Variants in TYW1B observed in about 807,000 individuals in gnomAD.
TYW1B encodes the protein S-adenosyl-L-methionine-dependent tRNA 4-demethylwyosine synthase TYW1B.
Under a neutral mutation model 86.9 loss-of-function variants are expected in TYW1B, and 73 were observed. The observed-to-expected ratio is 0.84, with a 90% CI of 0.70 to 1.02. The LOEUF (loss-of-function observed/expected upper bound fraction) is 1.02. TYW1B is among the 50% of genes least tolerant of loss of function. The probability of loss-of-function intolerance (pLI) is 0.00; values close to 1 mark genes in which losing one functional copy is unlikely to be tolerated. For missense variants in TYW1B, 637 were observed against 827.4 expected, an observed-to-expected ratio of 0.77 and a Z score of 2.82; for synonymous variants, 248 against 292.8, an observed-to-expected ratio of 0.85 and a Z score of 1.56.
intron 11 of TYW1B, among the ~76,000 whole-genome samples, chr7:72,629,432 CTCATTATTTAATGA>C (rs1812430989): frequency 6.6e-6 from 1 of 152,198 alleles, no homozygotes; most frequent in African/African-American, 2.4e-5. Flanking sequence ...TTCCTACTCC[CTCATTATTTAATGA>C]TCTCTTGGCA....
At chr7:72,598,886 G>A (rs1335336787) in intron 13 of TYW1B, among the ~76,000 whole-genome samples, 6 of 152,192 alleles carry the variant, frequency 3.9e-5, no homozygotes, top group African/African-American at 1.4e-4. Context: ...ACAGACAGGT[G>A]GAGGTGAGGA....
chr7:72,766,178 A>G (rs531311652), intron 7 of TYW1B, among the ~76,000 whole-genome samples: 3 of 152,262 alleles, frequency 2.0e-5, no homozygotes, highest in Non-Finnish European at 4.4e-5. Context: ...AAAACAGCTC[A>G]TAACGTTACA....
intron 13 of TYW1B, among the ~76,000 whole-genome samples, chr7:72,588,577 A>G (rs545187671): frequency 3.2e-4 from 48 of 152,326 alleles, no homozygotes; most frequent in African/African-American, 1.1e-3. Context: ...CCCTGTGATC[A>G]GTGCCTAATT....
chr7:72,624,128 G>T (rs1161900269), intron 12 of TYW1B, among the ~76,000 whole-genome samples: 1 of 152,108 alleles, frequency 6.6e-6, no homozygotes, highest in African/African-American at 2.4e-5. Flanking sequence ...CTCTATTTGA[G>T]AAATTTTTAA....
chr7:72,576,987 C>T (rs1413183949), intron 13 of TYW1B, among the ~76,000 whole-genome samples: 3 of 151,834 alleles, frequency 2.0e-5, no homozygotes, highest in Admixed American at 6.6e-5. Flanking sequence ...ATTAGCCAGG[C>T]GTGGTGGTGT....
chr7:72,634,342 C>CTTTTTT (rs782580354), intron 11 of TYW1B, among the ~76,000 whole-genome samples: 1 of 132,672 alleles, frequency 7.5e-6, no homozygotes, highest in Non-Finnish European at 1.6e-5. Flanking sequence ...CCACTCCTAG[C>CTTTTTT]TTTTTTTTTT....
intron 13 of TYW1B, among the ~76,000 whole-genome samples, chr7:72,604,025 C>T (rs1554434372): frequency 1.3e-5 from 2 of 152,190 alleles, no homozygotes; most frequent in Non-Finnish European, 2.9e-5. Flanking sequence ...TAAATCAACA[C>T]TGGCTCACGA....
intron 11 of TYW1B, among the ~76,000 whole-genome samples, chr7:72,663,383 C>T (rs1344784586): frequency 1.2e-4 from 19 of 152,046 alleles, no homozygotes; most frequent in Non-Finnish European, 2.2e-4. Flanking sequence ...GTTCAAACCA[C>T]CCGGGTGCTC....
chr7:72,632,921 C>A (rs192871873), intron 11 of TYW1B, among the ~76,000 whole-genome samples: 385 of 151,996 alleles, frequency 2.5e-3, no homozygotes, highest in African/African-American at 9.0e-3. Context: ...GGGGTGTGAA[C>A]CCAAGCAGTA....
intron 11 of TYW1B, among the ~76,000 whole-genome samples, chr7:72,636,002 C>G (rs1554440703): frequency 6.6e-6 from 1 of 152,178 alleles, no homozygotes; most frequent in African/African-American, 2.4e-5. Flanking sequence ...TCACATGTAG[C>G]TAGTGGCTAC....
intron 13 of TYW1B, among the ~76,000 whole-genome samples, chr7:72,599,303 T>G (rs192316175): frequency 6.6e-6 from 1 of 152,216 alleles, no homozygotes; most frequent in Non-Finnish European, 1.5e-5. Context: ...ATCTTATCAA[T>G]AGTTGAAGAA....
intron 11 of TYW1B, among the ~76,000 whole-genome samples, chr7:72,649,110 C>A (rs1813001282): frequency 6.6e-6 from 1 of 151,904 alleles, no homozygotes; most frequent in Non-Finnish European, 1.5e-5. Context: ...TGACATGTGC[C>A]CTGAGAAGCA....
intron 11 of TYW1B, among the ~76,000 whole-genome samples, chr7:72,647,905 C>T (rs1349382694): frequency 7.9e-5 from 12 of 152,018 alleles, no homozygotes; most frequent in Admixed American, 6.6e-4. Flanking sequence ...AGGCTTGTCT[C>T]GAACTCCTGA....
chr7:72,703,581 G>A (rs1235360307), intron 10 of TYW1B, among the ~76,000 whole-genome samples: 2 of 152,032 alleles, frequency 1.3e-5, no homozygotes, highest in Non-Finnish European at 2.9e-5. Flanking sequence ...CAGACCAGAC[G>A]CGGTGGCTCA....
chr7:72,729,381 G>A (rs1554459409), intron 8 of TYW1B, among the ~76,000 whole-genome samples: 1 of 152,036 alleles, frequency 6.6e-6, no homozygotes, highest in Non-Finnish European at 1.5e-5. Flanking sequence ...GAAAGGACAA[G>A]AACCTCCACC....
intron 13 of TYW1B, among the ~76,000 whole-genome samples, chr7:72,590,138 C>G (rs1223697201): frequency 6.6e-6 from 1 of 152,160 alleles, no homozygotes; most frequent in African/African-American, 2.4e-5. Flanking sequence ...TATTTTGGAA[C>G]TCTGGAGTCT....
intron 7 of TYW1B, among the ~76,000 whole-genome samples, chr7:72,766,062 T>C (rs1396899988): frequency 2.0e-5 from 3 of 152,210 alleles, no homozygotes; most frequent in Non-Finnish European, 4.4e-5. Context: ...AGAAATACTT[T>C]TGTATCGATT....
chr7:72,794,487 C>T (rs1477006457), intron 6 of TYW1B, among the ~76,000 whole-genome samples: 1 of 151,502 alleles, frequency 6.6e-6, no homozygotes, highest in African/African-American at 2.4e-5. Flanking sequence ...ACCTGGGAGG[C>T]AGAGGTTGCA....
intron 11 of TYW1B, among the ~76,000 whole-genome samples, chr7:72,664,989 A>AT (rs542156358): frequency 1.2e-3 from 177 of 152,190 alleles, no homozygotes; most frequent in African/African-American, 3.9e-3. Flanking sequence ...TTTACACTGT[A>AT]TTTTTTTATT....
Sources: allele counts gnomAD v4.1 joint callset (sites outside exome capture counted in the v4.1 genomes callset), GRCh38; gene constraint gnomAD v4.1.1; transcripts MANE v1.5; gene names NCBI Gene and HGNC (gene_info 2026-07-23, HGNC 2026-07-21).